Variants in HSF2BP observed in about 807,000 individuals in gnomAD.
HSF2BP encodes heat shock factor 2-binding protein.
Under a neutral mutation model 35.0 loss-of-function variants are expected in HSF2BP, and 35 were observed. The ratio of observed to expected loss-of-function variants is 1.00; its 90% CI spans 0.76 to 1.32. HSF2BP has a LOEUF of 1.32. HSF2BP is among the 40% of genes most tolerant of loss of function. The pLI, the probability that HSF2BP is intolerant of heterozygous loss-of-function variation, is 0.00. For missense variants in HSF2BP, 326 were observed against 321.7 expected (o/e 1.01, Z -0.10); for synonymous variants, 114 against 117.4 (o/e 0.97, Z 0.18).
intron 3 of HSF2BP, among the ~76,000 whole-genome samples, chr21:43,648,776 AG>A: frequency 1.3e-5 from 2 of 152,362 alleles, no homozygotes; most frequent in East Asian, 3.9e-4. Context: ...TCAAACTCTC[AG>A]GAAATTAATC....
intron 7 of HSF2BP, among the ~76,000 whole-genome samples, chr21:43,603,091 C>T (rs547820209): frequency 1.3e-5 from 2 of 152,306 alleles, no homozygotes; most frequent in Admixed American, 6.5e-5. Flanking sequence ...AAACTTTAAA[C>T]GCTGGAGAAA....
intron 5 of HSF2BP, among the ~76,000 whole-genome samples, chr21:43,631,983 CCA>C (rs72406175): frequency 3.2e-5 from 3 of 93,530 alleles, no homozygotes; most frequent in South Asian, 3.8e-4. Flanking sequence ...CACACGCTCC[CCA>C]CACACACACT....
At chr21:43,500,974 CCT>C in the HSF2BP span, among the ~76,000 whole-genome samples, 28 of 100,126 alleles carry the variant, frequency 2.8e-4, 3 homozygotes, top group Admixed American at 1.3e-3. Flanking sequence ...CTGTCTTCCC[CCT>C]GATACATTCC....
At chr21:43,618,488 G>A (rs930871821) in intron 6 of HSF2BP, among the ~76,000 whole-genome samples, 3 of 152,128 alleles carry the variant, frequency 2.0e-5, no homozygotes, top group Non-Finnish European at 4.4e-5. Flanking sequence ...CAACAAAGGT[G>A]CCAAGACAAA....
chr21:43,639,517 T>A (rs1191580138), intron 4 of HSF2BP, among the ~76,000 whole-genome samples: 1 of 152,088 alleles, frequency 6.6e-6, no homozygotes, highest in Non-Finnish European at 1.5e-5. Context: ...TAAAAGAGAA[T>A]ACACAGACAG....
intron 8 of HSF2BP, among the ~76,000 whole-genome samples, chr21:43,577,193 G>A (rs1000692376): frequency 6.6e-6 from 1 of 152,106 alleles, no homozygotes; most frequent in Non-Finnish European, 1.5e-5. Flanking sequence ...CACATTTTAA[G>A]AAAACCAAAG....
At chr21:43,635,078 C>CAA (rs367853157) in intron 4 of HSF2BP, among the ~76,000 whole-genome samples, 6,101 of 145,424 alleles carry the variant, frequency 0.042, 415 homozygotes, top group African/African-American at 0.14. Context: ...ATAATAATAT[C>CAA]AAAAAAAAAA....
intron 7 of HSF2BP, among the ~76,000 whole-genome samples, chr21:43,602,817 G>C (rs867078766): frequency 2.4e-4 from 37 of 152,268 alleles, no homozygotes; most frequent in African/African-American, 8.4e-4. Context: ...GTTATCCTGA[G>C]AACCAAGTGA....
rs111516090 is a variant in HSF2BP, at chr21:43,597,064, C to T, written c.693-4736G>A. ...GGGTGGAAAGAAAGGGAAGAAGATA[C>T]CTAGAAAGGAGGGTTTCAGAACAAG... On this transcript the variant is annotated intron_variant, in intron 7 of 8. Coordinates refer to ENST00000291560, the MANE Select transcript of HSF2BP (RefSeq NM_007031.2). The surrounding 1 kb of genome is among the most constrained non-coding windows in gnomAD (Gnocchi z 4.3). Among the ~76,000 whole-genome samples, 442 of 152,056 alleles carry T rather than the reference C, an allele frequency of 2.9e-3. 3 individuals are homozygous for T. The highest frequency in any genetic ancestry group is 0.01 in the African/African-American group (418 of 41,464).
intron 4 of HSF2BP, among the ~76,000 whole-genome samples, chr21:43,634,457 A>G (rs910822735): frequency 2.0e-5 from 3 of 152,238 alleles, no homozygotes; most frequent in African/African-American, 4.8e-5. Context: ...TACCAAATGT[A>G]ATTAGTTACA....
chr21:43,607,875 G>A (rs1031987716), intron 7 of HSF2BP, among the ~76,000 whole-genome samples: 22 of 152,132 alleles, frequency 1.4e-4, no homozygotes, highest in African/African-American at 4.3e-4. Flanking sequence ...AAATGGTGCT[G>A]GGAAAAATAG....
intron 6 of HSF2BP, among the ~76,000 whole-genome samples, chr21:43,616,031 C>T (rs1037205670): frequency 8.8e-6 from 1 of 114,164 alleles, no homozygotes; most frequent in Non-Finnish European, 1.8e-5. Flanking sequence ...ATTACTAATA[C>T]ATCGCTGAAG....
rs2082024526 is a variant in HSF2BP, at chr21:43,599,364, T to A, written c.693-7036A>T. Among the ~76,000 whole-genome samples, 3 of 152,330 alleles carry A rather than the reference T, an allele frequency of 2.0e-5. No individual in the cohort carries two copies. The East Asian group carries it at 5.8e-4, about 29-fold the overall frequency. The stretch of plus-strand genomic sequence containing the variant: ...GCAAAAAATAAACCCAAAAAACTGT[T>A]TCTTATGCAAATGTTTCGTCTAATA... On this transcript the variant is annotated intron_variant, in intron 7 of 8. Transcript: ENST00000291560.
intron 8 of HSF2BP, among the ~76,000 whole-genome samples, chr21:43,572,907 C>A (rs1221672431): frequency 2.0e-5 from 3 of 152,212 alleles, no homozygotes; most frequent in Non-Finnish European, 4.4e-5. Context: ...ATTCTACTTT[C>A]ACAATGCTAA....
At chr21:43,642,869 G>A (rs1316571041) in intron 4 of HSF2BP, among the ~76,000 whole-genome samples, 8 of 142,040 alleles carry the variant, frequency 5.6e-5, no homozygotes, top group Admixed American at 1.5e-4. Context: ...GCACGATTTC[G>A]GCTCACTGCA....
intron 8 of HSF2BP, among the ~76,000 whole-genome samples, chr21:43,576,430 C>T (rs1431962385): frequency 1.3e-5 from 2 of 152,160 alleles, no homozygotes; most frequent in Non-Finnish European, 2.9e-5. Context: ...AAAGATTACA[C>T]CAAATCCCAT....
At chr21:43,595,922 A>C (rs1024364726) in intron 7 of HSF2BP, among the ~76,000 whole-genome samples, 1 of 151,198 alleles carries the variant, frequency 6.6e-6, no homozygotes, top group Non-Finnish European at 1.5e-5. Flanking sequence ...ATGGGGTTTC[A>C]CCATGTTGGT....
chr21:43,635,677 G>C (rs933299073), intron 4 of HSF2BP, among the ~76,000 whole-genome samples: 1 of 152,136 alleles, frequency 6.6e-6, no homozygotes, highest in Non-Finnish European at 1.5e-5. Flanking sequence ...AGCATTCTGG[G>C]AGGCTGAGGT....
At chr21:43,643,482 TAA>T (rs1251461684) in intron 4 of HSF2BP, among the ~76,000 whole-genome samples, 1 of 152,152 alleles carries the variant, frequency 6.6e-6, no homozygotes, top group Non-Finnish European at 1.5e-5. Flanking sequence ...AGCAGGTTGG[TAA>T]AGAGTCTGGC....
Sources: allele counts gnomAD v4.1 joint callset (sites outside exome capture counted in the v4.1 genomes callset), GRCh38; gene constraint gnomAD v4.1.1; non-coding constraint Gnocchi (gnomAD v3.1); transcripts MANE v1.5; gene names NCBI Gene and HGNC (gene_info 2026-07-23, HGNC 2026-07-21).